Variants in SAMD12 observed in about 807,000 individuals in gnomAD.
The protein encoded by SAMD12 is sterile alpha motif domain-containing protein 12.
SAMD12 carries 9 observed loss-of-function variants against 15.0 expected under a neutral mutation model. That is an observed-to-expected ratio of 0.60 (90% CI 0.36 to 1.05). The LOEUF (loss-of-function observed/expected upper bound fraction) is 1.05. Among genes scored for constraint, SAMD12 ranks in the 50% least tolerant of loss-of-function variants. The pLI, the probability that SAMD12 is intolerant of heterozygous loss-of-function variation, is 0.01. For missense variants in SAMD12, 230 were observed against 234.2 expected, an observed-to-expected ratio of 0.98 and a Z score of 0.12; for synonymous variants, 86 against 90.1, an observed-to-expected ratio of 0.96 and a Z score of 0.25.
chr8:118,590,741 T>G (rs1262788971), intron 1 of SAMD12, among the ~76,000 whole-genome samples: 19 of 151,962 alleles, frequency 1.3e-4, no homozygotes, highest in Admixed American at 1.2e-3. Context: ...CAATAGAAAA[T>G]CACTCATAAC....
chr8:118,619,764 C>T (rs534261766), intron 1 of SAMD12, among the ~76,000 whole-genome samples: 1 of 152,112 alleles, frequency 6.6e-6, no homozygotes, highest in South Asian at 2.1e-4. Flanking sequence ...GCAGGAGGCA[C>T]TTCCCATAGA....
intron 2 of SAMD12, among the ~76,000 whole-genome samples, chr8:118,548,879 C>T (rs748937790): frequency 7.2e-5 from 11 of 152,234 alleles, no homozygotes; most frequent in African/African-American, 1.9e-4. Context: ...GATTATATCC[C>T]GCACCTGGCT....
chr8:118,141,112 T>C, the SAMD12 span, among the ~76,000 whole-genome samples: 1 of 152,206 alleles, frequency 6.6e-6, no homozygotes, highest in Non-Finnish European at 1.5e-5. Context: ...CAAGAATATT[T>C]AGGAACTGGC....
chr8:118,475,339 C>G (rs1177696882), intron 2 of SAMD12, among the ~76,000 whole-genome samples: 1 of 152,206 alleles, frequency 6.6e-6, no homozygotes, highest in Non-Finnish European at 1.5e-5. Context: ...CTCTCCTTCA[C>G]CATTCTCCAT....
chr8:118,551,016 C>A (rs1481858076), intron 2 of SAMD12, among the ~76,000 whole-genome samples: 6 of 152,018 alleles, frequency 3.9e-5, no homozygotes, highest in South Asian at 2.1e-4. Flanking sequence ...CAGGAGCACC[C>A]AGATTCATAA....
rs112548524 is a variant in SAMD12, at chr8:118,286,317, TAA to T, written c.434-88587_434-88586del. ...TGTACCCTAGAACTTAAAATATAAT[TAA>T]AAAAAAAAGAAAGCAAGCTGTGTTG... On this transcript the variant is annotated intron_variant, in intron 4 of 4. Coordinates refer to the SAMD12 transcript ENST00000409003. 3.4e-5 allele frequency among the ~76,000 whole-genome samples: 5 copies of T among 148,712 alleles called. No homozygotes were observed. The South Asian group carries it at 1.1e-3, about 32-fold the overall frequency.
rs375204069 is a variant in SAMD12 at position 118,481,706 on chromosome 8, T to C, written c.193-41745A>G. 9.3e-5 allele frequency among the ~76,000 whole-genome samples: 14 copies of C among 151,330 alleles called. No individual in the cohort carries two copies. The South Asian group carries it at 2.7e-3, about 29-fold the overall frequency. On this transcript the variant is annotated intron_variant, in intron 2 of 3. Coordinates refer to ENST00000314727, the MANE Select transcript of SAMD12 (RefSeq NM_207506.3). ...ATAATCCCATCCTTCAATGATCTTA[T>C]AAATGTGTGGGCACAACTGACTTAC...
intron 3 of SAMD12, among the ~76,000 whole-genome samples, chr8:118,427,363 A>G (rs1206701031): frequency 2.6e-5 from 4 of 152,240 alleles, no homozygotes; most frequent in African/African-American, 9.6e-5. Flanking sequence ...ACTTACATAC[A>G]ATAAATCCCA....
chr8:118,549,537 C>T (rs903925518), intron 2 of SAMD12, among the ~76,000 whole-genome samples: 1 of 152,152 alleles, frequency 6.6e-6, no homozygotes, highest in African/African-American at 2.4e-5. Context: ...CTGTATATCT[C>T]CATCATCAGA....
intron 2 of SAMD12, among the ~76,000 whole-genome samples, chr8:118,549,970 T>C (rs1282840044): frequency 6.6e-6 from 1 of 151,378 alleles, no homozygotes; most frequent in Admixed American, 6.6e-5. Context: ...AGAAGGGAAG[T>C]TTAGGGAAAA....
the SAMD12 span, among the ~76,000 whole-genome samples, chr8:118,166,752 C>T: frequency 5.9e-5 from 9 of 152,086 alleles, no homozygotes; most frequent in African/African-American, 1.9e-4. Context: ...AGGCCTCAAC[C>T]GACTACAGAT....
chr8:118,292,087 T>TA (rs1362427258), intron 4 of SAMD12, among the ~76,000 whole-genome samples: 1 of 151,444 alleles, frequency 6.6e-6, no homozygotes, highest in East Asian at 2.0e-4. Flanking sequence ...GGGATCTTGG[T>TA]AAGCCTACTA....
chr8:118,472,888 A>AG (rs201693180), intron 2 of SAMD12, among the ~76,000 whole-genome samples: 4,434 of 151,052 alleles, frequency 0.029, 218 homozygotes, highest in African/African-American at 0.1. Context: ...TTTGACAGGA[A>AG]AAAAAAAAAG....
chr8:118,538,041 G>A (rs892526211), intron 2 of SAMD12, among the ~76,000 whole-genome samples: 1 of 152,240 alleles, frequency 6.6e-6, no homozygotes, highest in Non-Finnish European at 1.5e-5. Flanking sequence ...AAGTAATGCT[G>A]TGTTTGTTGT....
chr8:118,560,588 CA>C (rs1194724052), intron 2 of SAMD12, among the ~76,000 whole-genome samples: 7 of 152,086 alleles, frequency 4.6e-5, no homozygotes, highest in Non-Finnish European at 1.0e-4. Flanking sequence ...ACCTAGTTCT[CA>C]TAGATAACAA....
chr8:118,173,788 C>A, the SAMD12 span, among the ~76,000 whole-genome samples: 1 of 151,802 alleles, frequency 6.6e-6, no homozygotes, highest in East Asian at 1.9e-4. Context: ...TGCCACCACA[C>A]CTGGCTAATT....
intron 4 of SAMD12, among the ~76,000 whole-genome samples, chr8:118,281,073 T>C (rs1312838215): frequency 6.6e-6 from 1 of 150,862 alleles, no homozygotes; most frequent in Non-Finnish European, 1.5e-5. Flanking sequence ...AACAGCTAGT[T>C]GTACTAGCAA....
intron 2 of SAMD12, among the ~76,000 whole-genome samples, chr8:118,445,287 G>T (rs1227612622): frequency 6.6e-6 from 1 of 152,154 alleles, no homozygotes; most frequent in Non-Finnish European, 1.5e-5. Flanking sequence ...CTTGATATAT[G>T]AATTAATTAA....
intron 1 of SAMD12, among the ~76,000 whole-genome samples, chr8:118,583,042 T>C (rs1827336995): frequency 6.6e-6 from 1 of 152,170 alleles, no homozygotes; most frequent in Non-Finnish European, 1.5e-5. Flanking sequence ...TGGCTTTTTC[T>C]CCCAAACCTC....
Sources: allele counts gnomAD v4.1 joint callset (sites outside exome capture counted in the v4.1 genomes callset), GRCh38; gene constraint gnomAD v4.1.1; transcripts MANE v1.5; gene names NCBI Gene and HGNC (gene_info 2026-07-23, HGNC 2026-07-21).